The following SGTB variants were observed in gnomAD, a reference collection of about 807,000 sequenced individuals.
The protein encoded by SGTB is small glutamine rich tetratricopeptide repeat co-chaperone beta, also known as small glutamine-rich tetratricopeptide repeat-containing protein beta.
In SGTB, 19 loss-of-function variants were observed where a neutral mutation model predicts 43.9. That is an observed-to-expected ratio of 0.43 (90% CI 0.30 to 0.63). The LOEUF (loss-of-function observed/expected upper bound fraction) is 0.63, where lower values mean the gene tolerates loss of function less well. SGTB is among the 30% of genes least tolerant of loss of function. The probability of loss-of-function intolerance (pLI) is 0.12; values close to 1 mark genes in which losing one functional copy is unlikely to be tolerated. For synonymous variants in SGTB, 116 were observed against 117.3 expected, an observed-to-expected ratio of 0.99 and a Z score of 0.07; for missense variants, 304 against 358.9, an observed-to-expected ratio of 0.85 and a Z score of 1.24.
At chr5:65,704,603 T>C (rs960228308) in intron 4 of SGTB, among the ~76,000 whole-genome samples, 1 of 152,242 alleles carries the variant, frequency 6.6e-6, no homozygotes, top group Admixed American at 6.5e-5. Flanking sequence ...AAAATTAATG[T>C]TTATATACCT....
At chr5:65,705,153 C>T (rs376278113) in intron 4 of SGTB, among the ~76,000 whole-genome samples, 42 of 152,230 alleles carry the variant, frequency 2.8e-4, no homozygotes, top group African/African-American at 9.4e-4. Context: ...ACCAATGGTT[C>T]AAAATATGTC....
chr5:65,706,586 C>A (rs1398127318), intron 4 of SGTB, among the ~76,000 whole-genome samples: 1 of 152,130 alleles, frequency 6.6e-6, no homozygotes, highest in Non-Finnish European at 1.5e-5. Context: ...AATCCTGGCA[C>A]TTTGGGAGGC....
At chr5:65,721,597 G>A (rs989340831) in intron 1 of SGTB, among the ~76,000 whole-genome samples, 4 of 152,132 alleles carry the variant, frequency 2.6e-5, no homozygotes, top group African/African-American at 7.2e-5. Context: ...TCAAAGCCAG[G>A]GTGTGGTACC....
intron 2 of SGTB, among the ~76,000 whole-genome samples, chr5:65,716,145 C>A (rs1168627974): frequency 6.6e-6 from 1 of 152,106 alleles, no homozygotes; most frequent in African/African-American, 2.4e-5. Context: ...TTAAAGGAGA[C>A]GGGGGTGTTA....
chr5:65,715,776 G>C (rs1758134734), intron 2 of SGTB, among the ~76,000 whole-genome samples: 1 of 152,060 alleles, frequency 6.6e-6, no homozygotes, highest in Non-Finnish European at 1.5e-5. Context: ...TGTTGTTGTT[G>C]TTGTTGTTTT....
chr5:65,703,706 A>C (rs574707173), intron 5 of SGTB, among the ~76,000 whole-genome samples: 3 of 143,674 alleles, frequency 2.1e-5, no homozygotes, highest in South Asian at 4.5e-4. Flanking sequence ...CCTGGGTGAC[A>C]AAGTGAGACC....
intron 3 of SGTB, among the ~76,000 whole-genome samples, chr5:65,711,718 G>T (rs1758049783): frequency 6.6e-6 from 1 of 152,142 alleles, no homozygotes; most frequent in African/African-American, 2.4e-5. Context: ...TAATAAAAGG[G>T]GATGATTTAC....
intron 5 of SGTB, among the ~76,000 whole-genome samples, chr5:65,694,871 G>A (rs1757688944): frequency 6.6e-6 from 1 of 152,148 alleles, no homozygotes; most frequent in Non-Finnish European, 1.5e-5. Context: ...AAATCAGTAA[G>A]TTTCATATGA....
intron 3 of SGTB, among the ~76,000 whole-genome samples, chr5:65,710,241 TA>T (rs1235584989): frequency 1.6e-4 from 24 of 152,214 alleles, no homozygotes; most frequent in Admixed American, 1.6e-3. Flanking sequence ...GGGTTCCTTG[TA>T]TTTTAAATTT....
chr5:65,676,294 G>T (rs1047476663), intron 8 of SGTB, among the ~76,000 whole-genome samples: 1 of 151,988 alleles, frequency 6.6e-6, no homozygotes, highest in Admixed American at 6.6e-5. Flanking sequence ...TCCAGCCTGG[G>T]TGACAGAGCA....
chr5:65,711,137 C>G (rs1758038361), intron 3 of SGTB, among the ~76,000 whole-genome samples: 3 of 152,072 alleles, frequency 2.0e-5, no homozygotes, highest in African/African-American at 7.2e-5. Context: ...TGCATTCCAG[C>G]CTGGGCGACA....
At chr5:65,704,035 C>CAAAAAAAAAAAAAAA (rs11405488) in intron 5 of SGTB, among the ~76,000 whole-genome samples, 1 of 133,368 alleles carries the variant, frequency 7.5e-6, no homozygotes, top group African/African-American at 2.7e-5. Flanking sequence ...GACTCCGTCT[C>CAAAAAAAAAAAAAAA]AAAAAAAAAA....
intron 4 of SGTB, among the ~76,000 whole-genome samples, chr5:65,706,315 T>C (rs946427224): frequency 2.0e-5 from 3 of 152,198 alleles, no homozygotes; most frequent in African/African-American, 7.2e-5. Flanking sequence ...TGTCAAACAT[T>C]TTAATTTTCT....
intron 8 of SGTB, among the ~76,000 whole-genome samples, chr5:65,678,824 C>T (rs1470645465): frequency 6.6e-6 from 1 of 152,020 alleles, no homozygotes; most frequent in Non-Finnish European, 1.5e-5. Flanking sequence ...TTCGTTATAC[C>T]ATATATATAC....
rs945370229 is a variant in SGTB at position 65,671,978 on chromosome 5, T to C, written c.740A>G (p.Asn247Ser). 2 of 1,614,028 alleles carry C rather than the reference T, an allele frequency of 1.2e-6. No individual in the cohort carries two copies. Among genetic ancestry groups the C allele is most frequent in the Non-Finnish European group, 1.7e-6 (2 of 1,179,976 alleles). ...VQQLMSGMMT[N>S]AIGGPAAGVG... ...TCCAGCAGCAGGTCCCCCAATGGCA[T>C]TTGTCATCATTCCTGACATTCTAGA... Residue 247 changes from asparagine to serine, a missense_variant, in exon 10 of 11, where the codon AAT becomes AGT. Asn to Ser is a conservative substitution (Grantham distance 46). Coordinates refer to ENST00000381007, the MANE Select transcript of SGTB (RefSeq NM_019072.3).
chr5:65,693,248 G>A (rs1458987162), intron 5 of SGTB, among the ~76,000 whole-genome samples: 2 of 149,430 alleles, frequency 1.3e-5, no homozygotes, highest in Non-Finnish European at 3.0e-5. Flanking sequence ...AAGAGAGAGA[G>A]GAAGGAAGGA....
upstream of SGTB, chr5:65,722,617 G>C (rs1439331719): frequency 1.9e-6 from 1 of 538,202 alleles, no homozygotes; most frequent in Admixed American, 3.7e-5. Flanking sequence ...CCGCTCCCTC[G>C]GGAGGACGTC....
Position 65,721,427 on chromosome 5 carries a change from T to C in SGTB, c.-23+490A>G, listed in dbSNP as rs1332080689. On this transcript the variant is annotated intron_variant, in intron 1 of 10. Transcript: ENST00000381007. The stretch of plus-strand genomic sequence containing the variant: ...ATGGATACTACAAGCCGACCGGCGC[T>C]CCCTGCAGAGGCTGTGCTCTCGTGG... Among the ~76,000 whole-genome samples the C allele has an allele frequency of 2.0e-5, 3 of 152,168 alleles. 1 individual carries two copies. Among genetic ancestry groups the C allele is most frequent in the Admixed American group, 6.5e-5 (1 of 15,274 alleles).
intron 5 of SGTB, among the ~76,000 whole-genome samples, chr5:65,696,175 C>T (rs1337748199): frequency 6.6e-6 from 1 of 152,256 alleles, no homozygotes; most frequent in African/African-American, 2.4e-5. Context: ...CTTCCCCTCT[C>T]CTCTGCCTAT....
Sources: allele counts gnomAD v4.1 joint callset (sites outside exome capture counted in the v4.1 genomes callset), GRCh38; gene constraint gnomAD v4.1.1; transcripts MANE v1.5; gene names NCBI Gene and HGNC (gene_info 2026-07-23, HGNC 2026-07-21).